CPLX4: variants seen among roughly 807,000 people sequenced by gnomAD.
CPLX4 encodes complexin 4.
Under a neutral mutation model 16.1 loss-of-function variants are expected in CPLX4, and 17 were observed. The ratio of observed to expected loss-of-function variants is 1.06; its 90% confidence interval spans 0.72 to 1.59. CPLX4 has a LOEUF of 1.59. Ranked by LOEUF, CPLX4 falls within the 40% of genes most tolerant of loss-of-function variation. The pLI is 0.00. For synonymous variants in CPLX4, 55 were observed against 57.8 expected, an observed-to-expected ratio of 0.95 and a Z score of 0.22; for missense variants, 193 against 192.9, an observed-to-expected ratio of 1.00 and a Z score of 0.00.
chr18:59,307,010 C>T (rs951691698), intron 2 of CPLX4, among the ~76,000 whole-genome samples: 2 of 152,166 alleles, frequency 1.3e-5, no homozygotes, highest in African/African-American at 2.4e-5. Flanking sequence ...TTATTAGGAA[C>T]CCACTAGAGT....
Position 59,318,317 on chromosome 18 carries a change from T to G in CPLX4, c.146A>C (p.Gln49Pro). The change falls in exon 1 of 3, where the codon CAA becomes CCA. Residue 49 changes from glutamine to proline, a missense_variant. Gln to Pro is a moderately conservative substitution (Grantham distance 76). Coordinates refer to ENST00000299721, the MANE Select transcript of CPLX4 (RefSeq NM_181654.4). ...TCACTTCTCCTCAATCATTTGCTTTTGATACTCCTCATACTCCTCTCTAGT... is the reference window on the plus strand; with the variant it reads ...TCACTTCTCCTCAATCATTTGCTTTGGATACTCCTCATACTCCTCTCTAGT... Reference protein sequence around the residue: ...GMTREEYEEYQKQMIEEKMER... With the variant: ...GMTREEYEEYPKQMIEEKMER... 1 of 1,609,028 alleles carries G rather than the reference T, an allele frequency of 6.2e-7. No homozygotes were observed. The highest frequency in any genetic ancestry group is 8.5e-7 in the Non-Finnish European group (1 of 1,178,488).
At chr18:59,300,063 G>T (rs748332879) in intron 2 of CPLX4, among the ~76,000 whole-genome samples, 100 of 152,258 alleles carry the variant, frequency 6.6e-4, no homozygotes, top group Non-Finnish European at 1.1e-3. Flanking sequence ...CGGGCATGGT[G>T]GCTCAAGCCA....
rs56654202 is a variant in CPLX4 at position 59,295,971 on chromosome 18, C to T, written c.*727G>A. On this transcript the variant is annotated 3_prime_UTR_variant, in exon 3 of 3. Transcript: ENST00000299721. Reference sequence around the variant, plus strand: ...TTAAGCTCAACTCAAAAAGAGCAGCCGTCTGCCTGGTTTCCCTCTGCCTCT... The same window carrying T: ...TTAAGCTCAACTCAAAAAGAGCAGCTGTCTGCCTGGTTTCCCTCTGCCTCT... 0.026 allele frequency: 3,968 copies of T among 152,326 alleles called. 138 individuals are homozygous for T. Among genetic ancestry groups the T allele is most frequent in the African/African-American group, 0.077 (3,185 of 41,536 alleles). 9.4% of individuals were successfully genotyped at this position (152,326 alleles called of 1,614,324 possible). A position where few individuals can be genotyped will look rare whatever the true frequency, so the allele number is the denominator to read the frequency against.
In CPLX4 at chr18:59,296,639, C is replaced by T; in HGVS notation, c.*59G>A. On this transcript the variant is annotated 3_prime_UTR_variant, in exon 3 of 3. Transcript: ENST00000299721. ...AAAACATGTACTGCTTGAAACGTCC[C>T]ACAAGAGAGTGGTCTTTTCCAAGGA... 6.3e-7 allele frequency: 1 copy of T among 1,587,754 alleles called. No homozygotes were observed. The highest frequency in any genetic ancestry group is 8.6e-7 in the Non-Finnish European group (1 of 1,162,564).
At chr18:59,302,472 AC>A (rs2070548562) in intron 2 of CPLX4, among the ~76,000 whole-genome samples, 1 of 152,240 alleles carries the variant, frequency 6.6e-6, no homozygotes, top group Non-Finnish European at 1.5e-5. Flanking sequence ...TATAGGCTAT[AC>A]TTTGTTCTTA....
intron 2 of CPLX4, among the ~76,000 whole-genome samples, chr18:59,311,387 A>G (rs1299603048): frequency 6.6e-6 from 1 of 152,298 alleles, no homozygotes; most frequent in Non-Finnish European, 1.5e-5. Flanking sequence ...TTAGGGATCA[A>G]CCTCTACCAT....
intron 2 of CPLX4, among the ~76,000 whole-genome samples, chr18:59,305,700 T>C (rs2070572025): frequency 6.6e-6 from 1 of 152,150 alleles, no homozygotes; most frequent in African/African-American, 2.4e-5. Context: ...GAAAGGTGGC[T>C]GCAGTTATGA....
At chr18:59,313,766 G>T (rs953054277) in intron 1 of CPLX4, among the ~76,000 whole-genome samples, 1 of 152,200 alleles carries the variant, frequency 6.6e-6, no homozygotes, top group African/African-American at 2.4e-5. Context: ...TGGCTGCTGA[G>T]GAAGAACAAA....
chr18:59,312,553 TTA>T (rs995660435), intron 2 of CPLX4, 130 bp downstream of exon 2: 519 of 187,864 alleles, frequency 2.8e-3, no homozygotes, highest in East Asian at 3.9e-3. Context: ...ATATATATTT[TTA>T]TATATATATA....
At chr18:59,315,635 C>T (rs1475643955) in intron 1 of CPLX4, among the ~76,000 whole-genome samples, 1 of 152,098 alleles carries the variant, frequency 6.6e-6, no homozygotes, top group African/African-American at 2.4e-5. Flanking sequence ...AAGATATTCT[C>T]CTACTTTTTT....
chr18:59,303,283 T>C (rs992792792), intron 2 of CPLX4, among the ~76,000 whole-genome samples: 1 of 152,132 alleles, frequency 6.6e-6, no homozygotes, highest in Admixed American at 6.5e-5. Context: ...TAGGCATCAG[T>C]TTTCAGTTTG....
intron 2 of CPLX4, among the ~76,000 whole-genome samples, chr18:59,308,524 C>T (rs1451355722): frequency 8.0e-5 from 12 of 150,590 alleles, no homozygotes; most frequent in Admixed American, 3.3e-4. Context: ...CCCATCCCAT[C>T]CAATGACCTA....
At chr18:59,298,311 C>G (rs1339052166) in intron 2 of CPLX4, among the ~76,000 whole-genome samples, 2 of 152,040 alleles carry the variant, frequency 1.3e-5, no homozygotes, top group African/African-American at 4.8e-5. Flanking sequence ...AGAGAGGAGT[C>G]TAAAGAAAAA....
At chr18:59,299,881 G>A (rs908887156) in intron 2 of CPLX4, among the ~76,000 whole-genome samples, 7 of 152,170 alleles carry the variant, frequency 4.6e-5, no homozygotes, top group Non-Finnish European at 7.3e-5. Context: ...CTCGGGCCTC[G>A]CAATCTGTGA....
At chr18:59,311,387 A>T (rs1299603048) in intron 2 of CPLX4, among the ~76,000 whole-genome samples, 1 of 152,180 alleles carries the variant, frequency 6.6e-6, no homozygotes, top group African/African-American at 2.4e-5. Flanking sequence ...TTAGGGATCA[A>T]CCTCTACCAT....
intron 2 of CPLX4, among the ~76,000 whole-genome samples, chr18:59,301,604 C>G (rs528053805): frequency 2.0e-4 from 31 of 152,356 alleles, no homozygotes; most frequent in Admixed American, 3.9e-4. Flanking sequence ...ATGATGCCCT[C>G]TGGAACCAAA....
chr18:59,298,093 AT>A (rs200060703), intron 2 of CPLX4, among the ~76,000 whole-genome samples: 313 of 141,234 alleles, frequency 2.2e-3, no homozygotes, highest in Middle Eastern at 0.011. Flanking sequence ...AGATTCCTTT[AT>A]TTTTTTTTTT....
At chr18:59,298,008 C>T (rs555815592) in intron 2 of CPLX4, among the ~76,000 whole-genome samples, 3 of 152,286 alleles carry the variant, frequency 2.0e-5, no homozygotes, top group African/African-American at 4.8e-5. Flanking sequence ...CTGTCACAAG[C>T]GCCTTGCACA....
intron 1 of CPLX4, among the ~76,000 whole-genome samples, chr18:59,317,146 G>T (rs1220737836): frequency 6.6e-6 from 1 of 152,070 alleles, no homozygotes; most frequent in Admixed American, 6.6e-5. Context: ...CAATAGACAA[G>T]GTTTCCACTA....
Sources: allele counts gnomAD v4.1 joint callset (sites outside exome capture counted in the v4.1 genomes callset), GRCh38; gene constraint gnomAD v4.1.1; transcripts MANE v1.5; gene names NCBI Gene and HGNC (gene_info 2026-07-23, HGNC 2026-07-21).